Variants in CLSTN2 observed in about 807,000 individuals in gnomAD.
The protein encoded by CLSTN2 is calsyntenin 2.
A neutral mutation model predicts 101.2 loss-of-function variants in CLSTN2; 48 were observed. The ratio of observed to expected loss-of-function variants is 0.47; its 90% CI spans 0.38 to 0.60. The LOEUF (loss-of-function observed/expected upper bound fraction) is 0.60. Among genes scored for constraint, CLSTN2 ranks in the 20% least tolerant of loss-of-function variants. The pLI is 0.00. For synonymous variants in CLSTN2, 481 were observed against 463.6 expected, an observed-to-expected ratio of 1.04 and a Z score of -0.48; for missense variants, 1,160 against 1,238.2, an observed-to-expected ratio of 0.94 and a Z score of 0.95.
chr3:140,311,100 C>T (rs2107916725), intron 2 of CLSTN2, among the ~76,000 whole-genome samples: 1 of 152,094 alleles, frequency 6.6e-6, no homozygotes, highest in East Asian at 1.9e-4. Flanking sequence ...CCAGATTGGG[C>T]AGTGAGTCAA....
intron 8 of CLSTN2, among the ~76,000 whole-genome samples, chr3:140,531,629 A>G (rs1341649931): frequency 6.6e-6 from 1 of 152,200 alleles, no homozygotes; most frequent in Admixed American, 6.5e-5. Flanking sequence ...GCTTAGGGAT[A>G]GGACCGGGGG....
chr3:140,009,944 T>C (rs1250158045), intron 1 of CLSTN2, among the ~76,000 whole-genome samples: 1 of 152,216 alleles, frequency 6.6e-6, no homozygotes, highest in Non-Finnish European at 1.5e-5. Context: ...AGGCTCACAT[T>C]TGATTGTCCT....
chr3:140,386,225 C>T (rs905882246), intron 2 of CLSTN2, among the ~76,000 whole-genome samples: 5 of 152,208 alleles, frequency 3.3e-5, no homozygotes, highest in Admixed American at 1.3e-4. Flanking sequence ...GAGAAGTTAA[C>T]GTACTTTGGC....
intron 8 of CLSTN2, among the ~76,000 whole-genome samples, chr3:140,494,887 A>G (rs912305998): frequency 2.6e-5 from 4 of 152,080 alleles, no homozygotes; most frequent in Admixed American, 1.3e-4. Flanking sequence ...GATTGATTCT[A>G]TGTCTTTGCT....
intron 1 of CLSTN2, among the ~76,000 whole-genome samples, chr3:140,170,916 C>A (rs2010202079): frequency 1.3e-5 from 2 of 152,140 alleles, no homozygotes; most frequent in Non-Finnish European, 2.9e-5. Flanking sequence ...TAAGTCAGGG[C>A]TAAAACCAGG....
intron 2 of CLSTN2, among the ~76,000 whole-genome samples, chr3:140,230,990 G>T (rs568327291): frequency 3.3e-5 from 5 of 152,262 alleles, no homozygotes; most frequent in African/African-American, 9.6e-5. Context: ...GCAATAAAAG[G>T]TCTCAAACTT....
chr3:140,483,583 T>C (rs900617697), intron 8 of CLSTN2, among the ~76,000 whole-genome samples: 2 of 152,170 alleles, frequency 1.3e-5, no homozygotes, highest in Non-Finnish European at 2.9e-5. Flanking sequence ...AGTCTAAGTC[T>C]CTTTGTAGGT....
intron 1 of CLSTN2, among the ~76,000 whole-genome samples, chr3:140,155,153 G>C (rs552677388): frequency 6.6e-6 from 1 of 152,270 alleles, no homozygotes; most frequent in East Asian, 1.9e-4. Flanking sequence ...GCAGCTCCGT[G>C]GAAAGGGATT....
rs1319300587 is a variant in CLSTN2 at position 140,402,232 on chromosome 3, A to G, written c.233-1397A>G. On this transcript the variant is annotated intron_variant, in intron 2 of 16. Coordinates refer to ENST00000458420, the MANE Select transcript of CLSTN2 (RefSeq NM_022131.3). ...CTGAATGAGACTTGAATTGGAATGT[A>G]GAGAGTTTCTCCAGGCAATCCATGG... 2.6e-5 allele frequency among the ~76,000 whole-genome samples: 4 copies of G among 152,202 alleles called. No homozygotes were observed. The South Asian group carries it at 6.2e-4, about 24-fold the overall frequency.
rs1985757875 is a variant in CLSTN2 at position 140,577,220 on chromosome 3, T to A, written c.*10967T>A. On this transcript the variant is annotated 3_prime_UTR_variant, in exon 17 of 17. Coordinates refer to ENST00000458420, the MANE Select transcript of CLSTN2 (RefSeq NM_022131.3). ...CATGTTTGAATCACAAACTTTAAAT[T>A]TATAATAATTATGATTCTTGCAGTT... 1 of 152,202 alleles carries A rather than the reference T, an allele frequency of 6.6e-6. No homozygotes were observed. The highest frequency in any genetic ancestry group is 1.5e-5 in the Non-Finnish European group (1 of 68,044). 9.4% of individuals were successfully genotyped at this position (152,202 alleles called of 1,614,324 possible). A position where few individuals can be genotyped will look rare whatever the true frequency, so the allele number is the denominator to read the frequency against.
In CLSTN2 at chr3:140,525,460, G is replaced by C. The variant is rs372838540; in HGVS notation, c.1345-6864G>C. ...ATTTTAAAAACCTACTAACCAAAAA[G>C]AGCCCTAGACCAGATGGATTCACAG... On this transcript the variant is annotated intron_variant, in intron 8 of 16. Transcript: ENST00000458420. Among the ~76,000 whole-genome samples, 4 of 152,108 alleles carry C rather than the reference G, an allele frequency of 2.6e-5. No homozygotes were observed. The South Asian group carries it at 8.3e-4, about 32-fold the overall frequency.
At chr3:140,347,530 CT>C (rs2087561375) in intron 2 of CLSTN2, among the ~76,000 whole-genome samples, 1 of 152,228 alleles carries the variant, frequency 6.6e-6, no homozygotes, top group African/African-American at 2.4e-5. Flanking sequence ...ATGTGTTCTT[CT>C]TGTTGAACAT....
intron 2 of CLSTN2, among the ~76,000 whole-genome samples, chr3:140,208,356 C>T (rs1281598418): frequency 6.6e-6 from 1 of 152,122 alleles, no homozygotes. Context: ...ATAAATTTAG[C>T]TGACTGTATT....
chr3:140,345,245 C>CTTTTTTTTTTTTTT (rs569774722), intron 2 of CLSTN2, among the ~76,000 whole-genome samples: 1 of 135,990 alleles, frequency 7.4e-6, no homozygotes. Flanking sequence ...TGGATATAGC[C>CTTTTTTTTTTTTTT]TTTTTTTCTT....
At chr3:139,939,690 T>C (rs529911803) in intron 1 of CLSTN2, among the ~76,000 whole-genome samples, 1 of 152,360 alleles carries the variant, frequency 6.6e-6, no homozygotes, top group Non-Finnish European at 1.5e-5. Context: ...TCCTTGAATA[T>C]TCCAGATTGC....
chr3:140,058,710 T>C (rs549620668), intron 1 of CLSTN2, among the ~76,000 whole-genome samples: 1 of 152,194 alleles, frequency 6.6e-6, no homozygotes, highest in East Asian at 1.9e-4. Context: ...ATGCAAAATT[T>C]TGTGCTGGAC....
chr3:140,517,633 T>A (rs1166696149), intron 8 of CLSTN2, among the ~76,000 whole-genome samples: 1 of 152,184 alleles, frequency 6.6e-6, no homozygotes, highest in Non-Finnish European at 1.5e-5. Context: ...TCCAGGCTGG[T>A]ACTGGGGAGT....
chr3:139,972,067 C>A (rs1935715570), intron 1 of CLSTN2, among the ~76,000 whole-genome samples: 1 of 152,190 alleles, frequency 6.6e-6, no homozygotes, highest in African/African-American at 2.4e-5. Context: ...AGTTCAAGAC[C>A]AGCATGGCTA....
rs537230164 is a variant in CLSTN2 at position 140,123,674 on chromosome 3, C to T, written c.110-52277C>T. Among the ~76,000 whole-genome samples the T allele has an allele frequency of 4.5e-4, 69 of 152,104 alleles. No individual in the cohort carries two copies. In the Middle Eastern group the frequency reaches 0.01, roughly 22 times the overall value. On this transcript the variant is annotated intron_variant, in intron 1 of 16. Transcript: ENST00000458420. ...TGCACAATTTTGGAGGCTGAAAGTC[C>T]AAGATCAAGGGCCAGCATGGTTGGC... is the stretch of plus-strand genomic sequence containing the variant.
Sources: allele counts gnomAD v4.1 joint callset (sites outside exome capture counted in the v4.1 genomes callset), GRCh38; gene constraint gnomAD v4.1.1; transcripts MANE v1.5; gene names NCBI Gene and HGNC (gene_info 2026-07-23, HGNC 2026-07-21).